CNTNAP2: variants seen among roughly 807,000 people sequenced by gnomAD.
CNTNAP2 encodes contactin-associated protein-like 2.
A neutral mutation model predicts 155.2 loss-of-function variants in CNTNAP2; 98 were observed. The observed-to-expected ratio is 0.63, with a 90% CI of 0.54 to 0.75. CNTNAP2 has a LOEUF of 0.75. CNTNAP2 is among the 30% of genes least tolerant of loss of function. The pLI is 0.00. For synonymous variants in CNTNAP2, 651 were observed against 631.2 expected (o/e 1.03, Z -0.47); for missense variants, 1,727 against 1,688.1 (o/e 1.02, Z -0.40).
intron 1 of CNTNAP2, among the ~76,000 whole-genome samples, chr7:146,229,613 T>C (rs1308767167): frequency 6.6e-6 from 1 of 152,108 alleles, no homozygotes; most frequent in Non-Finnish European, 1.5e-5. Flanking sequence ...TTTTATATCA[T>C]CCCAACTATG....
chr7:147,486,104 T>G (rs763623585), intron 11 of CNTNAP2, 63 bp downstream of exon 11: 318 of 1,416,178 alleles, frequency 2.2e-4, no homozygotes, highest in Non-Finnish European at 3.1e-4. Context: ...TCTTGAGCTG[T>G]GCTTTGAAGC....
intron 11 of CNTNAP2, among the ~76,000 whole-genome samples, chr7:147,502,131 C>T (rs1052874590): frequency 1.8e-4 from 27 of 152,016 alleles, no homozygotes; most frequent in African/African-American, 6.0e-4. Flanking sequence ...AACAGTTAGT[C>T]CCACTAAAAT....
rs535999975 is a variant in CNTNAP2 at position 146,207,137 on chromosome 7, C to T, written c.97+90164C>T. The stretch of plus-strand genomic sequence containing the variant: ...AAAAATCAGACCTTACCTCCCTTTT[C>T]CAGTGGAGCCTTTTAAGGTATTCAC... On this transcript the variant is annotated intron_variant, in intron 1 of 23. Coordinates refer to ENST00000361727, the MANE Select transcript of CNTNAP2 (RefSeq NM_014141.6). Among the ~76,000 whole-genome samples the T allele has an allele frequency of 2.6e-5, 4 of 152,012 alleles. No individual in the cohort carries two copies. In the East Asian group the frequency reaches 7.8e-4, roughly 30 times the overall value.
intron 13 of CNTNAP2, among the ~76,000 whole-genome samples, chr7:147,871,049 C>T (rs1799318883): frequency 6.6e-6 from 1 of 152,142 alleles, no homozygotes; most frequent in Non-Finnish European, 1.5e-5. Flanking sequence ...ATTATGGCCC[C>T]TCGGTCACCC....
At chr7:146,210,723 G>A in intron 1 of CNTNAP2, among the ~76,000 whole-genome samples, 1 of 152,098 alleles carries the variant, frequency 6.6e-6, no homozygotes, top group Non-Finnish European at 1.5e-5. Context: ...ACTAACCATT[G>A]CAAGACTGAC....
intron 18 of CNTNAP2, among the ~76,000 whole-genome samples, chr7:148,199,596 T>G (rs1487176199): frequency 2.0e-5 from 3 of 152,224 alleles, no homozygotes; most frequent in Admixed American, 2.0e-4. Flanking sequence ...CTGTACTGTC[T>G]ATACAGTAAC....
chr7:146,726,512 C>T lies in CNTNAP2; in HGVS notation c.98-47759C>T, dbSNP rs114000204. On this transcript the variant is annotated intron_variant, in intron 1 of 23. Coordinates refer to ENST00000361727, the MANE Select transcript of CNTNAP2 (RefSeq NM_014141.6). ...ATAACAAGTGTTTGCTAAGCAATTA[C>T]GTAAATTTTCTTGTTTAGGTGGGCA... Among the ~76,000 whole-genome samples, 1,023 of 152,092 alleles carry T rather than the reference C, an allele frequency of 6.7e-3. 17 individuals are homozygous for T. Among genetic ancestry groups the T allele is most frequent in the African/African-American group, 0.023 (967 of 41,504 alleles).
At chr7:146,995,354 A>G (rs1798288624) in intron 3 of CNTNAP2, among the ~76,000 whole-genome samples, 1 of 152,094 alleles carries the variant, frequency 6.6e-6, no homozygotes, top group African/African-American at 2.4e-5. Context: ...CTATACCATT[A>G]ACAAAAGTGT....
chr7:147,341,070 T>G (rs372481535), intron 9 of CNTNAP2, among the ~76,000 whole-genome samples: 2 of 148,884 alleles, frequency 1.3e-5, no homozygotes, highest in South Asian at 2.1e-4. Context: ...CATTGTGTGT[T>G]TGTGTGTGTG....
At chr7:147,768,044 T>C (rs1184532371) in intron 13 of CNTNAP2, among the ~76,000 whole-genome samples, 2 of 152,070 alleles carry the variant, frequency 1.3e-5, no homozygotes, top group Non-Finnish European at 2.9e-5. Context: ...GAGGAAACAA[T>C]GCTTTCACTC....
chr7:146,633,285 G>T (rs1382561223), intron 1 of CNTNAP2, among the ~76,000 whole-genome samples: 1 of 152,120 alleles, frequency 6.6e-6, no homozygotes, highest in Non-Finnish European at 1.5e-5. Context: ...CTAGAGGCTT[G>T]CCCCACCATG....
At chr7:147,779,842 A>T (rs912072748) in intron 13 of CNTNAP2, among the ~76,000 whole-genome samples, 1 of 152,220 alleles carries the variant, frequency 6.6e-6, no homozygotes. Flanking sequence ...TAGGAATTTT[A>T]AAAAGTGAGC....
chr7:147,472,976 A>G (rs1798251871), intron 10 of CNTNAP2, among the ~76,000 whole-genome samples: 1 of 152,212 alleles, frequency 6.6e-6, no homozygotes, highest in African/African-American at 2.4e-5. Flanking sequence ...TCTTAGAGAA[A>G]GCTAAGGGCT....
intron 1 of CNTNAP2, among the ~76,000 whole-genome samples, chr7:146,679,874 TAA>T (rs1800471716): frequency 6.6e-6 from 1 of 152,192 alleles, no homozygotes; most frequent in African/African-American, 2.4e-5. Flanking sequence ...AAATTAATTA[TAA>T]GACATTCTTT....
At chr7:146,489,922 C>G (rs1797114370) in intron 1 of CNTNAP2, among the ~76,000 whole-genome samples, 1 of 151,936 alleles carries the variant, frequency 6.6e-6, no homozygotes, top group Non-Finnish European at 1.5e-5. Flanking sequence ...AAAAGCACCA[C>G]TTAAAGGTGG....
chr7:148,197,838 C>G (rs1033556256), intron 18 of CNTNAP2, among the ~76,000 whole-genome samples: 4 of 152,306 alleles, frequency 2.6e-5, no homozygotes, highest in African/African-American at 9.6e-5. Flanking sequence ...AAACATCTCA[C>G]CTTCAAAGCT....
At chr7:148,403,813 A>C (rs544396705) in intron 22 of CNTNAP2, among the ~76,000 whole-genome samples, 1 of 152,364 alleles carries the variant, frequency 6.6e-6, no homozygotes, top group African/African-American at 2.4e-5. Flanking sequence ...AAGCACTCAC[A>C]TGCATTAGGA....
intron 8 of CNTNAP2, among the ~76,000 whole-genome samples, chr7:147,202,771 G>A (rs936771661): frequency 2.6e-5 from 4 of 151,926 alleles, no homozygotes; most frequent in Admixed American, 1.3e-4. Flanking sequence ...CACAGGGCAG[G>A]GAACATAACA....
rs144251677 is a variant in CNTNAP2, at chr7:147,140,323, G to A, written c.1348+7814G>A. Among the ~76,000 whole-genome samples the A allele has an allele frequency of 4.4e-3, 668 of 151,940 alleles. 3 individuals carry two copies. Among genetic ancestry groups the A allele is most frequent in the African/African-American group, 0.013 (558 of 41,444 alleles). ...GGCCGAGATCTTGCTACCCCTAGAC[G>A]TACAACCTGCTGCCTGTTCCCTGCC... On this transcript the variant is annotated intron_variant, in intron 8 of 23. Coordinates refer to ENST00000361727, the MANE Select transcript of CNTNAP2 (RefSeq NM_014141.6).
Sources: gnomAD v4.1 joint callset for allele counts (sites outside exome capture counted in the v4.1 genomes callset) on GRCh38, gnomAD v4.1.1 for gene constraint, MANE v1.5 for transcripts, NCBI Gene and HGNC (gene_info 2026-07-23, HGNC 2026-07-21) for gene names.